NELL2: variants seen among roughly 807,000 people sequenced by gnomAD.
The protein encoded by NELL2 is protein kinase C-binding protein NELL2.
In NELL2, 41 loss-of-function variants were observed where a neutral mutation model predicts 109.6. The observed-to-expected ratio is 0.37, with a 90% CI of 0.29 to 0.49. The LOEUF (loss-of-function observed/expected upper bound fraction) is 0.49, where lower values mean the gene tolerates loss of function less well. Ranked by LOEUF, NELL2 falls within the 20% of genes least tolerant of loss-of-function variation. NELL2 has a pLI of 0.98. For missense variants in NELL2, 900 were observed against 1,008.3 expected (o/e 0.89, Z 1.45); for synonymous variants, 355 against 344.7 (o/e 1.03, Z -0.33).
chr12:44,651,865 G>A (rs925371473), intron 13 of NELL2, among the ~76,000 whole-genome samples: 3 of 152,126 alleles, frequency 2.0e-5, no homozygotes, highest in Non-Finnish European at 2.9e-5. Context: ...GAATCTCAGT[G>A]ACTAGGAGAG....
intron 15 of NELL2, among the ~76,000 whole-genome samples, chr12:44,568,348 C>G (rs1458999969): frequency 2.0e-5 from 3 of 152,036 alleles, no homozygotes; most frequent in South Asian, 4.1e-4. Context: ...ACTCTGTATT[C>G]GTTTTTATAT....
intron 13 of NELL2, among the ~76,000 whole-genome samples, chr12:44,638,842 T>G (rs1946742366): frequency 6.6e-6 from 1 of 152,186 alleles, no homozygotes; most frequent in Admixed American, 6.6e-5. Context: ...TTGGCATGAG[T>G]TAGAAGTAGT....
At chr12:44,606,996 C>T (rs537322077) in intron 15 of NELL2, among the ~76,000 whole-genome samples, 173 bp downstream of exon 15, 23 of 152,100 alleles carry the variant, frequency 1.5e-4, no homozygotes, top group Admixed American at 3.9e-4. Flanking sequence ...TTTGGGGAAT[C>T]GCCCAGCGAA....
At chr12:44,772,347 A>G (rs1941584336) in intron 9 of NELL2, among the ~76,000 whole-genome samples, 1 of 152,200 alleles carries the variant, frequency 6.6e-6, no homozygotes, top group Non-Finnish European at 1.5e-5. Context: ...CTTTTTTTAA[A>G]TACATATGAA....
intron 2 of NELL2, among the ~76,000 whole-genome samples, chr12:44,820,884 T>G (rs1943519039): frequency 6.6e-6 from 1 of 151,946 alleles, no homozygotes; most frequent in African/African-American, 2.4e-5. Flanking sequence ...GAGGTTAAAG[T>G]TGACAATATA....
At chr12:44,520,270 G>A (rs1163255544) in intron 18 of NELL2, 41 bp from the exon 19 acceptor site, 7 of 1,494,858 alleles carry the variant, frequency 4.7e-6, no homozygotes, top group Non-Finnish European at 6.4e-6. Context: ...GGGAGAGGGA[G>A]GAGGAAATGG....
At chr12:44,682,661 T>C (rs1948558436) in intron 12 of NELL2, among the ~76,000 whole-genome samples, 1 of 152,214 alleles carries the variant, frequency 6.6e-6, no homozygotes, top group African/African-American at 2.4e-5. Context: ...CCCAGCACCA[T>C]TTATTAAATA....
intron 9 of NELL2, among the ~76,000 whole-genome samples, chr12:44,755,416 T>G (rs1940844124): frequency 6.6e-6 from 1 of 152,008 alleles, no homozygotes; most frequent in African/African-American, 2.4e-5. Flanking sequence ...CTTCATTCAC[T>G]GCTGACTTTG....
chr12:44,802,682 T>C (rs944027562), intron 3 of NELL2, among the ~76,000 whole-genome samples: 1 of 152,008 alleles, frequency 6.6e-6, no homozygotes, highest in Admixed American at 6.6e-5. Flanking sequence ...GCATTGGAAA[T>C]AATACGTAAA....
rs551116971 is a variant in NELL2 at position 44,882,898 on chromosome 12, T to C, written c.39-6998A>G. ...TTCTGTCACCCAGACTGTAGCGTAG[T>C]GGTGCAGTCTCAACTCACTGCAATC... On this transcript the variant is annotated intron_variant, in intron 1 of 20. Coordinates refer to the NELL2 transcript ENST00000333837. 4.9e-5 allele frequency among the ~76,000 whole-genome samples: 7 copies of C among 142,788 alleles called. No homozygotes were observed. In the East Asian group the frequency reaches 1.3e-3, roughly 27 times the overall value. The allele number at this position is 142,788 out of a possible 152,430, so 93.7% of individuals were successfully genotyped here.
chr12:44,864,939 C>A (rs548480783), intron 2 of NELL2, among the ~76,000 whole-genome samples: 1 of 148,472 alleles, frequency 6.7e-6, no homozygotes, highest in African/African-American at 2.5e-5. Context: ...CCTGAGGAAT[C>A]GCCACACTGA....
At chr12:44,796,365 C>A (rs1942621043) in intron 3 of NELL2, among the ~76,000 whole-genome samples, 1 of 152,030 alleles carries the variant, frequency 6.6e-6, no homozygotes, top group African/African-American at 2.4e-5. Context: ...CTATGATATT[C>A]CTGTCAACAT....
intron 15 of NELL2, among the ~76,000 whole-genome samples, chr12:44,591,989 A>T (rs372591992): frequency 1.3e-5 from 2 of 152,196 alleles, no homozygotes; most frequent in East Asian, 1.9e-4. Flanking sequence ...GGGAGTTGAG[A>T]GCAAGGCAAG....
At chr12:44,895,377 T>G (rs1945581299) in intron 1 of NELL2, among the ~76,000 whole-genome samples, 1 of 152,226 alleles carries the variant, frequency 6.6e-6, no homozygotes, top group Non-Finnish European at 1.5e-5. Flanking sequence ...CTAAGATTTA[T>G]ATTTATCTTA....
chr12:44,631,270 G>T (rs1592237442), intron 13 of NELL2, among the ~76,000 whole-genome samples: 1 of 148,444 alleles, frequency 6.7e-6, no homozygotes, highest in Admixed American at 6.7e-5. Context: ...CATTATTTTA[G>T]ATAATAAAAT....
At chr12:44,824,278 C>T (rs1943634468) in intron 2 of NELL2, among the ~76,000 whole-genome samples, 3 of 152,172 alleles carry the variant, frequency 2.0e-5, no homozygotes, top group African/African-American at 7.2e-5. Context: ...TTGGTGCAAT[C>T]TCATTTGCCT....
At chr12:44,625,432 CA>C (rs1249332859) in intron 13 of NELL2, among the ~76,000 whole-genome samples, 2 of 152,130 alleles carry the variant, frequency 1.3e-5, no homozygotes, top group East Asian at 3.8e-4. Context: ...TGTGCAAATG[CA>C]ACTTCAAAAG....
chr12:44,701,543 CT>C (rs1269956894), intron 12 of NELL2, among the ~76,000 whole-genome samples: 1 of 152,072 alleles, frequency 6.6e-6, no homozygotes. Flanking sequence ...TCTCTGGCCC[CT>C]TTCCTTAACT....
At chr12:44,714,013 G>A (rs1239545933) in intron 10 of NELL2, among the ~76,000 whole-genome samples, 1 of 151,852 alleles carries the variant, frequency 6.6e-6, no homozygotes, top group Non-Finnish European at 1.5e-5. Context: ...GGATTTTAAT[G>A]TAACATTAGG....
Sources: allele counts gnomAD v4.1 joint callset (sites outside exome capture counted in the v4.1 genomes callset), GRCh38; gene constraint gnomAD v4.1.1; transcripts MANE v1.5; gene names NCBI Gene and HGNC (gene_info 2026-07-23, HGNC 2026-07-21).